ARHGAP15: variants seen among roughly 807,000 people sequenced by gnomAD.
The protein encoded by ARHGAP15 is Rho GTPase activating protein 15.
ARHGAP15 carries 51 observed loss-of-function variants against 63.7 expected under a neutral mutation model. That is an observed-to-expected ratio of 0.80 (90% CI 0.64 to 1.01). ARHGAP15 has a LOEUF of 1.01. ARHGAP15 is among the 50% of genes least tolerant of loss of function. The pLI is 0.00. For synonymous variants in ARHGAP15, 191 were observed against 193.8 expected (o/e 0.99, Z 0.12); for missense variants, 560 against 564.6 (o/e 0.99, Z 0.08).
At chr2:143,446,841 A>C (rs1252063011) in intron 8 of ARHGAP15, among the ~76,000 whole-genome samples, 33 of 132,748 alleles carry the variant, frequency 2.5e-4, no homozygotes, top group Non-Finnish European at 1.5e-5. Context: ...ATGTGTTCTC[A>C]TTGTTCAGTT....
chr2:143,439,731 A>AT (rs1689794765), intron 8 of ARHGAP15, among the ~76,000 whole-genome samples: 1 of 152,068 alleles, frequency 6.6e-6, no homozygotes, highest in South Asian at 2.1e-4. Flanking sequence ...GACATGTTTC[A>AT]AACCCAAGCA....
Position 143,437,001 on chromosome 2 carries a change from G to A in ARHGAP15, c.662G>A (p.Ser221Asn). Reference protein sequence around the residue: ...SSTELLSHYDSDIKEQKPEHR... With the variant: ...SSTELLSHYDNDIKEQKPEHR... ...ACTGAATTGCTAAGTCACTACGACA[G>A]TGATATAAAAGAACAGAAACCAGAG... is the stretch of plus-strand genomic sequence containing the variant. Residue 221 changes from serine to asparagine, a missense_variant, in exon 8 of 14, where the codon AGT (serine) becomes AAT (asparagine). By Grantham distance (46) the Ser-to-Asn change is conservative (BLOSUM62 1). Transcript: ENST00000295095. The A allele has an allele frequency of 6.2e-7, 1 of 1,606,916 alleles. No individual in the cohort carries two copies. Among genetic ancestry groups the A allele is most frequent in the Non-Finnish European group, 8.5e-7 (1 of 1,178,006 alleles).
intron 6 of ARHGAP15, among the ~76,000 whole-genome samples, chr2:143,274,652 T>A (rs1681453194): frequency 6.6e-6 from 1 of 152,222 alleles, no homozygotes; most frequent in East Asian, 1.9e-4. Context: ...TGTCTCATGT[T>A]ACCATACAAT....
chr2:143,497,709 G>A (rs1692879117), intron 9 of ARHGAP15, among the ~76,000 whole-genome samples: 1 of 152,138 alleles, frequency 6.6e-6, no homozygotes, highest in Non-Finnish European at 1.5e-5. Context: ...TCATTGTGTG[G>A]CGAGGTGGAT....
chr2:143,328,640 G>C (rs951390536), intron 6 of ARHGAP15, among the ~76,000 whole-genome samples: 3 of 152,134 alleles, frequency 2.0e-5, no homozygotes, highest in Non-Finnish European at 4.4e-5. Context: ...TGTATGTGAC[G>C]AGTTGATGGG....
chr2:143,487,827 G>T (rs541177887), intron 9 of ARHGAP15, among the ~76,000 whole-genome samples: 1 of 152,024 alleles, frequency 6.6e-6, no homozygotes. Context: ...TTCACAGCTG[G>T]GTTTTAGTAA....
intron 8 of ARHGAP15, among the ~76,000 whole-genome samples, chr2:143,459,671 C>A (rs952994250): frequency 6.6e-6 from 1 of 152,064 alleles, no homozygotes; most frequent in African/African-American, 2.4e-5. Flanking sequence ...ACTCCTCAAA[C>A]GATTTCAGTT....
chr2:143,657,898 G>A (rs1357270434), intron 12 of ARHGAP15, among the ~76,000 whole-genome samples: 1 of 152,168 alleles, frequency 6.6e-6, no homozygotes, highest in Non-Finnish European at 1.5e-5. Context: ...CAGTCCTTCT[G>A]ATTCTGTTCC....
chr2:143,143,670 A>G (rs1251257021), intron 1 of ARHGAP15, among the ~76,000 whole-genome samples: 1 of 151,762 alleles, frequency 6.6e-6, no homozygotes. Context: ...ACTGGGACCA[A>G]CTTCACAGTA....
intron 2 of ARHGAP15, among the ~76,000 whole-genome samples, chr2:143,169,011 T>G (rs1690657905): frequency 6.6e-6 from 1 of 152,060 alleles, no homozygotes; most frequent in African/African-American, 2.4e-5. Flanking sequence ...CAGGTTCACA[T>G]GAGGAAGATA....
At chr2:143,195,201 G>A (rs1177279863) in intron 2 of ARHGAP15, among the ~76,000 whole-genome samples, 1 of 151,956 alleles carries the variant, frequency 6.6e-6, no homozygotes, top group East Asian at 1.9e-4. Flanking sequence ...AAGAGGCTTA[G>A]GGAAGAGCCC....
intron 12 of ARHGAP15, among the ~76,000 whole-genome samples, chr2:143,700,204 G>C (rs962238418): frequency 6.6e-6 from 1 of 152,178 alleles, no homozygotes; most frequent in African/African-American, 2.4e-5. Context: ...CTGACTCTAA[G>C]AAAGCTCACA....
chr2:143,173,509 T>C (rs1690883337), intron 2 of ARHGAP15, among the ~76,000 whole-genome samples: 1 of 152,028 alleles, frequency 6.6e-6, no homozygotes, highest in Non-Finnish European at 1.5e-5. Flanking sequence ...TGGAAAATGA[T>C]AACTGGCTTC....
intron 6 of ARHGAP15, chr2:143,435,385 T>G (rs1689566247): frequency 8.6e-7 from 1 of 1,163,260 alleles, no homozygotes; most frequent in South Asian, 2.5e-5. Flanking sequence ...ATCGTTCTAT[T>G]ATTAAAACAA....
chr2:143,513,138 T>A (rs1175481156), intron 9 of ARHGAP15, among the ~76,000 whole-genome samples: 3 of 152,222 alleles, frequency 2.0e-5, no homozygotes, highest in Admixed American at 6.5e-5. Context: ...CAGTTTTGGC[T>A]TTGCTGGTAA....
chr2:143,342,792 AC>A lies in ARHGAP15; in HGVS notation c.474+92193del, dbSNP rs149527286. Among the ~76,000 whole-genome samples the A allele has an allele frequency of 3.4e-3, 517 of 152,164 alleles. 4 individuals carry two copies. Among genetic ancestry groups the A allele is most frequent in the African/African-American group, 0.012 (488 of 41,542 alleles). ...TAAGACCCATTGTGAATATATGATC[AC>A]TAGATACCTTTTCTTAAAATCTCTC... is the stretch of plus-strand genomic sequence containing the variant. On this transcript the variant is annotated intron_variant, in intron 6 of 13. Coordinates refer to ENST00000295095, the MANE Select transcript of ARHGAP15 (RefSeq NM_018460.4).
intron 8 of ARHGAP15, among the ~76,000 whole-genome samples, chr2:143,476,886 CAGAG>C (rs770945276): frequency 1.3e-5 from 2 of 152,132 alleles, no homozygotes; most frequent in Non-Finnish European, 2.9e-5. Flanking sequence ...TTATAATAAA[CAGAG>C]AGGAAGGCTG....
intron 2 of ARHGAP15, among the ~76,000 whole-genome samples, chr2:143,156,737 T>G (rs1256529323): frequency 6.6e-6 from 1 of 151,966 alleles, no homozygotes; most frequent in Non-Finnish European, 1.5e-5. Context: ...CCAGTGATTA[T>G]ATTTGGAGAG....
intron 12 of ARHGAP15, among the ~76,000 whole-genome samples, chr2:143,665,457 T>C (rs2105334832): frequency 1.5e-5 from 1 of 65,936 alleles, no homozygotes; most frequent in African/African-American, 6.1e-5. Context: ...CCACAGCCAA[T>C]ATCATACTGA....
Sources: gnomAD v4.1 joint callset for allele counts (sites outside exome capture counted in the v4.1 genomes callset) on GRCh38, gnomAD v4.1.1 for gene constraint, MANE v1.5 for transcripts, NCBI Gene and HGNC (gene_info 2026-07-23, HGNC 2026-07-21) for gene names.